The following CNOT1 variants were observed in gnomAD, a reference collection of about 807,000 sequenced individuals.
The protein encoded by CNOT1 is CCR4-NOT transcription complex subunit 1, also known as CCR4-associated factor 1.
CNOT1 carries 15 observed loss-of-function variants against 273.8 expected under a neutral mutation model. The observed-to-expected ratio is 0.05, with a 90% CI of 0.04 to 0.08. CNOT1 has a LOEUF of 0.08. CNOT1 is among the 10% of genes least tolerant of loss of function. The pLI, the probability that CNOT1 is intolerant of heterozygous loss-of-function variation, is 1.00. For missense variants in CNOT1, 1,644 were observed against 2,912.2 expected (o/e 0.56, Z 10.02); for synonymous variants, 1,022 against 1,005.5 (o/e 1.02, Z -0.31).
intron 1 of CNOT1, among the ~76,000 whole-genome samples, chr16:58,601,642 G>C (rs561368721): frequency 6.7e-6 from 1 of 148,844 alleles, no homozygotes; most frequent in East Asian, 2.0e-4. Flanking sequence ...TCAAGACAAA[G>C]CAAAGTTAAC....
At chr16:58,562,267 C>A (rs985576364) in intron 16 of CNOT1, among the ~76,000 whole-genome samples, 1 of 146,666 alleles carries the variant, frequency 6.8e-6, no homozygotes, top group Non-Finnish European at 1.5e-5. Context: ...GGGAGGGAGG[C>A]AGTGGTGGGA....
At position 58,581,352 on chromosome 16, in the gene CNOT1, T is replaced by C; in HGVS notation, c.1208A>G (p.Glu403Gly). Residue 403 changes from glutamate to glycine, a missense_variant, in exon 11 of 49, where the codon GAA (glutamate) becomes GGA (glycine). Around this residue, in one of 13 missense-constraint regions of CNOT1, gnomAD observed 706 missense variants for 1,021.2 expected, o/e 0.69. Coordinates refer to ENST00000317147, the MANE Select transcript of CNOT1 (RefSeq NM_016284.5). ...TAAATACCACTTACTCACCTGGCCT[T>C]CAGCATGTTTCCAAGGTCTATATAT... Reference protein sequence around the residue: ...DLIYRPWKHAEGQLSFIQHSL... With the variant: ...DLIYRPWKHAGGQLSFIQHSL... 1 of 1,606,054 alleles carries C rather than the reference T, an allele frequency of 6.2e-7. No individual in the cohort carries two copies. The highest frequency in any genetic ancestry group is 8.5e-7 in the Non-Finnish European group (1 of 1,177,838).
chr16:58,523,197 A>G lies in CNOT1; in HGVS notation c.6917+173T>C, dbSNP rs1024751793. On this transcript the variant is annotated intron_variant, in intron 47 of 48. Transcript: ENST00000317147. Reference sequence around the variant, plus strand: ...GAGGCGGAGGTTGCAGTGAGCCAAGATGGCGCCACTGTACTGCAGACTGAG... The same window carrying G: ...GAGGCGGAGGTTGCAGTGAGCCAAGGTGGCGCCACTGTACTGCAGACTGAG... The G allele has an allele frequency of 3.2e-4, 157 of 489,418 alleles. 1 individual carries two copies. The highest frequency in any genetic ancestry group is 4.5e-4 in the Non-Finnish European group (138 of 305,010). The allele number at this position is 489,418 out of a possible 1,614,324, so 30.3% of individuals were successfully genotyped here. A position where few individuals can be genotyped will look rare whatever the true frequency, so the allele number is the denominator to read the frequency against.
Position 58,526,112 on chromosome 16 carries a change from A to G in CNOT1, c.6480T>C (p.Ile2160=). The G allele has an allele frequency of 6.2e-7, 1 of 1,614,126 alleles. No homozygotes were observed. Among genetic ancestry groups the G allele is most frequent in the Non-Finnish European group, 8.5e-7 (1 of 1,180,008 alleles). The part of the protein sequence containing the change: ...LKVDMLSEIN[I]APRILTNFTG... ...TGAAATTGGTGAGAATCCGGGGAGC[A>G]ATGTTAATTTCACTCAACATGTCCA... Residue 2160 remains isoleucine (I), a synonymous_variant, in exon 45 of 49, where the codon ATT becomes ATC. Coordinates refer to ENST00000317147, the MANE Select transcript of CNOT1 (RefSeq NM_016284.5).
intron 1 of CNOT1, among the ~76,000 whole-genome samples, chr16:58,611,385 C>T (rs1045724340): frequency 1.3e-5 from 2 of 151,878 alleles, no homozygotes; most frequent in Non-Finnish European, 2.9e-5. Context: ...GCCGAGACCA[C>T]GCCACTGTAC....
intron 33 of CNOT1, 149 bp downstream of exon 33, chr16:58,542,082 G>A: frequency 1.0e-6 from 1 of 971,586 alleles, no homozygotes; most frequent in Non-Finnish European, 1.5e-6. Flanking sequence ...TCCACAGGCA[G>A]CCATTCAGTG....
intron 44 of CNOT1, 97 bp from the exon 45 acceptor site, chr16:58,526,235 T>C (rs1174040880): frequency 7.7e-7 from 1 of 1,295,600 alleles, no homozygotes; most frequent in African/African-American, 1.5e-5. Context: ...TAAAACTATA[T>C]ACACTATAAA....
chr16:58,536,336 C>T (rs548164676), intron 39 of CNOT1, among the ~76,000 whole-genome samples: 31 of 152,314 alleles, frequency 2.0e-4, no homozygotes, highest in African/African-American at 7.0e-4. Context: ...GATTCCCTCA[C>T]AGTCGCTGAA....
intron 1 of CNOT1, among the ~76,000 whole-genome samples, chr16:58,601,465 T>C (rs1244632242): frequency 6.6e-6 from 1 of 152,180 alleles, no homozygotes; most frequent in African/African-American, 2.4e-5. Context: ...GGAAAGGAGC[T>C]GAGCTTATCC....
At chr16:58,530,164 A>G in intron 43 of CNOT1, 82 bp downstream of exon 43, 1 of 1,168,216 alleles carries the variant, frequency 8.6e-7, no homozygotes, top group Non-Finnish European at 1.2e-6. Flanking sequence ...CTTAATAAAA[A>G]CAAAATAAGG....
intron 1 of CNOT1, among the ~76,000 whole-genome samples, chr16:58,606,925 G>C (rs1002470859): frequency 6.6e-6 from 1 of 151,800 alleles, no homozygotes; most frequent in Admixed American, 6.6e-5. Context: ...GCAGAGCTGG[G>C]GGGGGGAAAG....
At position 58,599,213 on chromosome 16, in the gene CNOT1, T is replaced by C. The variant is rs756520321; in HGVS notation, c.102+23A>G. ...GTCTACTCATTCCTTTAATGGCACTTGTTTTCTGGCTAGTTTACTTACATG... is the reference window on the plus strand; with the variant it reads ...GTCTACTCATTCCTTTAATGGCACTCGTTTTCTGGCTAGTTTACTTACATG... On this transcript the variant is annotated intron_variant, in intron 2 of 48. Transcript: ENST00000317147. The C allele has an allele frequency of 5.0e-6, 8 of 1,614,012 alleles. No homozygotes were observed. In the South Asian group the frequency reaches 6.6e-5, roughly 13 times the overall value.
Position 58,544,362 on chromosome 16 carries a change from C to T in CNOT1, c.4138-459G>A, listed in dbSNP as rs184537251. Among the ~76,000 whole-genome samples, 139 of 152,120 alleles carry T rather than the reference C, an allele frequency of 9.1e-4. 1 individual carries two copies. The highest frequency in any genetic ancestry group is 1.7e-3 in the Non-Finnish European group (118 of 67,988). ...TTACAGTGCCCACTGAAGTATTTGG[C>T]TTCATTTGAAAGGCTGTTTCTAATC... On this transcript the variant is annotated intron_variant, in intron 30 of 48. Coordinates refer to ENST00000317147, the MANE Select transcript of CNOT1 (RefSeq NM_016284.5).
intron 39 of CNOT1, among the ~76,000 whole-genome samples, chr16:58,535,292 T>C (rs2039890697): frequency 6.6e-6 from 1 of 152,240 alleles, no homozygotes; most frequent in Admixed American, 6.5e-5. Context: ...TACTGTACCC[T>C]GCTGGGACAG....
rs1227700990 is a variant in CNOT1 at position 58,576,450 on chromosome 16, C to T, written c.1704+13G>A. ...GTAAATAAACTGGTGTCAGTCTGTC[C>T]CTCTGAACTCACCTTCAAGTCCTGG... On this transcript the variant is annotated intron_variant, in intron 14 of 48. Coordinates refer to ENST00000317147, the MANE Select transcript of CNOT1 (RefSeq NM_016284.5). 2 of 1,613,842 alleles carry T rather than the reference C, an allele frequency of 1.2e-6. No individual in the cohort carries two copies. The highest frequency in any genetic ancestry group is 1.7e-6 in the Non-Finnish European group (2 of 1,179,918).
chr16:58,538,224 C>A lies in CNOT1; in HGVS notation c.5178G>T (p.Glu1726Asp). The A allele has an allele frequency of 6.9e-7, 1 of 1,458,082 alleles. No homozygotes were observed. The highest frequency in any genetic ancestry group is 9.6e-7 in the Non-Finnish European group (1 of 1,037,548). The allele number at this position is 1,458,082 out of a possible 1,614,324, so 90.3% of individuals were successfully genotyped here. A position where few individuals can be genotyped will look rare whatever the true frequency, so the allele number is the denominator to read the frequency against. The change falls in exon 37 of 49, where the codon GAG (glutamate) becomes GAT (aspartate). Residue 1726 changes from glutamate (E) to aspartate (D), a missense_variant. This residue lies in a region of CNOT1 where 170 missense variants were observed against 273.1 expected (regional missense o/e 0.62). Transcript: ENST00000317147. ...GATTGCGAATTAGCAGCTCCACAGC[C>A]TCCACATTATATTTATATTCATCTC... ...ECRDEYKYNV[E>D]AVELLIRNHL...
intron 16 of CNOT1, among the ~76,000 whole-genome samples, chr16:58,570,334 T>C (rs544515957): frequency 6.6e-6 from 1 of 152,178 alleles, no homozygotes; most frequent in African/African-American, 2.4e-5. Flanking sequence ...ACAGTATAAA[T>C]CTCCTAATTA....
chr16:58,527,199 A>G (rs1350986489), intron 44 of CNOT1, among the ~76,000 whole-genome samples: 1 of 152,112 alleles, frequency 6.6e-6, no homozygotes, highest in Non-Finnish European at 1.5e-5. Flanking sequence ...GGGTGAAGGT[A>G]GAGGTAGATG....
In CNOT1 at chr16:58,542,026, A is replaced by G. The variant is rs193138380; in HGVS notation, c.4680+205T>C. ...AACTCCTTAGAGTAATAACACTTCAACAACTCTGGAGGAGCAAGGGAATTT... is the reference window on the plus strand; with the variant it reads ...AACTCCTTAGAGTAATAACACTTCAGCAACTCTGGAGGAGCAAGGGAATTT... On this transcript the variant is annotated intron_variant, in intron 33 of 48. Transcript: ENST00000317147. 9.2e-5 allele frequency among the ~76,000 whole-genome samples: 14 copies of G among 152,350 alleles called. No homozygotes were observed. The East Asian group carries it at 2.7e-3, about 29-fold the overall frequency.
Sources: allele counts gnomAD v4.1 joint callset (sites outside exome capture counted in the v4.1 genomes callset), GRCh38; gene constraint gnomAD v4.1.1; regional missense constraint gnomAD v4.1.1; transcripts MANE v1.5; gene names NCBI Gene and HGNC (gene_info 2026-07-23, HGNC 2026-07-21).